The following PCDHGA4 variants were observed in gnomAD, a reference collection of about 807,000 sequenced individuals.
PCDHGA4 encodes the protein protocadherin gamma-A4.
A neutral mutation model predicts 54.6 loss-of-function variants in PCDHGA4; 38 were observed. That is an observed-to-expected ratio of 0.70 (90% confidence interval 0.54 to 0.91). The LOEUF is 0.91. Ranked by LOEUF, PCDHGA4 falls within the 40% of genes least tolerant of loss-of-function variation. PCDHGA4 has a pLI of 0.00. For synonymous variants in PCDHGA4, 511 were observed against 512.9 expected, an observed-to-expected ratio of 1.00 and a Z score of 0.05; for missense variants, 1,298 against 1,220.9, an observed-to-expected ratio of 1.06 and a Z score of -0.94.
chr5:141,441,954 C>T, intron 1 of PCDHGA4: 1 of 319,608 alleles, frequency 3.1e-6, no homozygotes, highest in Non-Finnish European at 6.0e-6. Context: ...TGCAGGCCAG[C>T]AAGCCCAGGC....
rs1228831823 is a variant in PCDHGA4, at chr5:141,487,778, T to C, written c.2515-7029T>C. ...GGTAGACGCTGTGCTTTGTAACTGT[T>C]TCGTGAATTAACCAGAGTTGTCACA... On this transcript the variant is annotated intron_variant, in intron 1 of 3. Coordinates refer to ENST00000571252, the MANE Select transcript of PCDHGA4 (RefSeq NM_018917.4). The surrounding 1 kb of genome is among the most constrained non-coding windows in gnomAD (Gnocchi z 5.0). The C allele has an allele frequency of 6.5e-7, 1 of 1,531,514 alleles. No individual in the cohort carries two copies. The highest frequency in any genetic ancestry group is 2.0e-5 in the Admixed American group (1 of 49,632). 94.9% of individuals were successfully genotyped at this position (1,531,514 alleles called of 1,614,324 possible).
intron 1 of PCDHGA4, chr5:141,388,657 G>T (rs769160604): frequency 6.8e-6 from 11 of 1,613,878 alleles, no homozygotes; most frequent in Admixed American, 1.7e-5. Context: ...GTGTACCCGG[G>T]GACCACGGTG....
rs768994533 is a variant in PCDHGA4 at position 141,486,589 on chromosome 5, C to G, written c.2515-8218C>G. On this transcript the variant is annotated intron_variant, in intron 1 of 3. Transcript: ENST00000571252. This position sits in a 1 kb window ranked among gnomAD's most constrained non-coding sequence, Gnocchi z 5.0. Reference sequence around the variant, plus strand: ...TTCCTGAGAACAATCGCCCAGGGGACCTGCTTTGCTCCCTTGCAGCCTCTG... The same window carrying G: ...TTCCTGAGAACAATCGCCCAGGGGAGCTGCTTTGCTCCCTTGCAGCCTCTG... 1 of 1,613,676 alleles carries G rather than the reference C, an allele frequency of 6.2e-7. No individual in the cohort carries two copies. Among genetic ancestry groups the G allele is most frequent in the Non-Finnish European group, 8.5e-7 (1 of 1,179,996 alleles).
chr5:141,482,747 G>T lies in PCDHGA4; in HGVS notation c.2515-12060G>T, dbSNP rs182945398. On this transcript the variant is annotated intron_variant, in intron 1 of 3. Transcript: ENST00000571252. ...CATTGCAAGAAATTCCATGCAGAGG[G>T]ATTATGGTATTTCATTATCACTGAA... Among the ~76,000 whole-genome samples, 567 of 128,410 alleles carry T rather than the reference G, an allele frequency of 4.4e-3. 2 individuals carry two copies. The highest frequency in any genetic ancestry group is 0.019 in the African/African-American group (533 of 28,666). The allele number at this position is 128,410 out of a possible 152,430, so 84.2% of individuals were successfully genotyped here. A position where few individuals can be genotyped will look rare whatever the true frequency, so the allele number is the denominator to read the frequency against.
intron 1 of PCDHGA4, chr5:141,383,516 G>A (rs757438983): frequency 3.0e-5 from 49 of 1,612,406 alleles, no homozygotes; most frequent in Non-Finnish European, 3.6e-5. Flanking sequence ...GAGGAAGAGC[G>A]GGTTCACCAC....
rs2099427641 is a variant in PCDHGA4, at chr5:141,477,974, G to T, written c.2515-16833G>T. The T allele has an allele frequency of 1.2e-6, 2 of 1,614,034 alleles. No homozygotes were observed. The highest frequency in any genetic ancestry group is 1.6e-4 in the Middle Eastern group (1 of 6,062). On this transcript the variant is annotated intron_variant, in intron 1 of 3. Transcript: ENST00000571252. This position sits in a 1 kb window ranked among gnomAD's most constrained non-coding sequence, Gnocchi z 4.9. ...GGGATCCCCTAACCAGAGCCTTTTT[G>T]CCATAGGGCTGCACACTGGTCAAAT...
chr5:141,409,060 G>C (rs1464240645), intron 1 of PCDHGA4: 1 of 1,614,000 alleles, frequency 6.2e-7, no homozygotes, highest in Non-Finnish European at 8.5e-7. Flanking sequence ...GCACTGCCCA[G>C]AGCACAAAAC....
rs532490777 is a variant in PCDHGA4, at chr5:141,487,782, T to C, written c.2515-7025T>C. 7.2e-6 allele frequency: 11 copies of C among 1,525,744 alleles called. No homozygotes were observed. The South Asian group carries it at 1.2e-4, about 17-fold the overall frequency. The allele number at this position is 1,525,744 out of a possible 1,614,324, so 94.5% of individuals were successfully genotyped here. ...GACGCTGTGCTTTGTAACTGTTTCGTGAATTAACCAGAGTTGTCACAGTTT... is the reference window on the plus strand; with the variant it reads ...GACGCTGTGCTTTGTAACTGTTTCGCGAATTAACCAGAGTTGTCACAGTTT... On this transcript the variant is annotated intron_variant, in intron 1 of 3. Coordinates refer to ENST00000571252, the MANE Select transcript of PCDHGA4 (RefSeq NM_018917.4). This position sits in a 1 kb window ranked among gnomAD's most constrained non-coding sequence, Gnocchi z 5.0.
At chr5:141,453,964 C>T (rs2098778500) in intron 1 of PCDHGA4, among the ~76,000 whole-genome samples, 1 of 152,296 alleles carries the variant, frequency 6.6e-6, no homozygotes, top group Non-Finnish European at 1.5e-5. Context: ...GACAGCAAAG[C>T]ATGTAGTTGT....
chr5:141,410,849 C>CTTTTTTTTCTTTTT (rs2095433387), intron 1 of PCDHGA4: 1 of 129,786 alleles, frequency 7.7e-6, no homozygotes, highest in African/African-American at 6.0e-5. Flanking sequence ...TTGTCTTTGT[C>CTTTTTTTTCTTTTT]TTTTTTTTTT....
intron 1 of PCDHGA4, among the ~76,000 whole-genome samples, chr5:141,472,980 C>CAAAAAAAAAAAAAA (rs60579131): frequency 5.8e-5 from 5 of 86,102 alleles, no homozygotes; most frequent in Admixed American, 1.2e-4. Context: ...GAGTGAAACT[C>CAAAAAAAAAAAAAA]AAAAAAAAAA....
chr5:141,385,104 G>A, intron 1 of PCDHGA4: 1 of 1,614,192 alleles, frequency 6.2e-7, no homozygotes, highest in Non-Finnish European at 8.5e-7. Flanking sequence ...TGGCGAACGT[G>A]CCCACCTCGC....
chr5:141,417,776 C>T (rs2096161387), intron 1 of PCDHGA4: 1 of 1,469,712 alleles, frequency 6.8e-7, no homozygotes, highest in South Asian at 1.4e-5. Context: ...CTCCTCCTGT[C>T]CTGGGCCGAA....
chr5:141,417,980 C>G lies in PCDHGA4; in HGVS notation c.2514+60359C>G, dbSNP rs905203424. On this transcript the variant is annotated intron_variant, in intron 1 of 3. Coordinates refer to ENST00000571252, the MANE Select transcript of PCDHGA4 (RefSeq NM_018917.4). ...GATCCGCTACTCGATTCCGGAGGAG[C>G]TGGCCAAGGGCTCGGTGGTGGGGAA... is the stretch of plus-strand genomic sequence containing the variant. The G allele has an allele frequency of 1.9e-6, 3 of 1,613,738 alleles. No individual in the cohort carries two copies. In the African/African-American group the frequency reaches 4.0e-5, roughly 22 times the overall value.
At chr5:141,420,010 GTC>G in intron 1 of PCDHGA4, 1 of 1,614,088 alleles carries the variant, frequency 6.2e-7, no homozygotes, top group South Asian at 1.1e-5. Context: ...GCCTGCGACA[GTC>G]TTTCAGCCCT....
At chr5:141,364,768 G>A (rs1442604724) in intron 1 of PCDHGA4, 3 of 1,613,956 alleles carry the variant, frequency 1.9e-6, no homozygotes, top group Non-Finnish European at 8.5e-7. Flanking sequence ...ATGAAAATGC[G>A]GCTGCAGGGA....
chr5:141,469,370 A>T (rs1453825795), intron 1 of PCDHGA4, among the ~76,000 whole-genome samples: 1 of 152,106 alleles, frequency 6.6e-6, no homozygotes, highest in Non-Finnish European at 1.5e-5. Flanking sequence ...AGGTAAAGAG[A>T]TCGAGACCAT....
intron 1 of PCDHGA4, among the ~76,000 whole-genome samples, chr5:141,433,948 T>C (rs1473404279): frequency 2.0e-5 from 3 of 152,234 alleles, no homozygotes; most frequent in Non-Finnish European, 4.4e-5. Context: ...CATTGTTTCT[T>C]CTACAGTTGT....
chr5:141,394,627 C>T (rs563086120), intron 1 of PCDHGA4: 2 of 1,613,412 alleles, frequency 1.2e-6, no homozygotes, highest in East Asian at 2.2e-5. Context: ...GCCTGGCTGT[C>T]CTACCGCCTG....
Sources: allele counts gnomAD v4.1 joint callset (sites outside exome capture counted in the v4.1 genomes callset), GRCh38; gene constraint gnomAD v4.1.1; non-coding constraint Gnocchi (gnomAD v3.1); transcripts MANE v1.5; gene names NCBI Gene and HGNC (gene_info 2026-07-23, HGNC 2026-07-21).